Variants in FOXN3 observed in about 807,000 individuals in gnomAD.
FOXN3 encodes the protein forkhead box N3, also known as forkhead box protein N3.
Under a neutral mutation model 38.4 loss-of-function variants are expected in FOXN3, and 7 were observed. The ratio of observed to expected loss-of-function variants is 0.18; its 90% confidence interval spans 0.10 to 0.34. The LOEUF (loss-of-function observed/expected upper bound fraction) is 0.34. FOXN3 is among the 10% of genes least tolerant of loss of function. The probability of loss-of-function intolerance (pLI) is 1.00; values close to 1 mark genes in which losing one functional copy is unlikely to be tolerated. For synonymous variants in FOXN3, 230 were observed against 242.2 expected (o/e 0.95, Z 0.47); for missense variants, 456 against 613.4 (o/e 0.74, Z 2.71).
chr14:89,175,913 G>A (rs1165959702), intron 5 of FOXN3, among the ~76,000 whole-genome samples: 1 of 152,142 alleles, frequency 6.6e-6, no homozygotes, highest in African/African-American at 2.4e-5. Context: ...GTGAATGTAA[G>A]AAACCTGGGA....
At chr14:89,353,405 T>C (rs990711190) in intron 2 of FOXN3, 1 of 151,726 alleles carries the variant, frequency 6.6e-6, no homozygotes, top group African/African-American at 2.4e-5. Flanking sequence ...ACAGCAGCGG[T>C]GGGAAGGGCC....
upstream of FOXN3, chr14:89,419,838 G>A (rs1223365828): frequency 6.6e-6 from 1 of 152,274 alleles, no homozygotes; most frequent in Non-Finnish European, 1.5e-5. Context: ...TTATGGAATA[G>A]TTAAGTATAA....
At chr14:89,600,558 A>C (rs1015408677) in intron 1 of FOXN3, among the ~76,000 whole-genome samples, 3 of 152,242 alleles carry the variant, frequency 2.0e-5, no homozygotes, top group East Asian at 1.9e-4. Flanking sequence ...ACAAAAATAA[A>C]TTAATTTAAA....
chr14:89,537,016 G>A (rs543577429), intron 1 of FOXN3, among the ~76,000 whole-genome samples: 30 of 152,208 alleles, frequency 2.0e-4, no homozygotes, highest in Admixed American at 1.2e-3. Flanking sequence ...GCCACAAAGC[G>A]TCTCCAGAGC....
intron 1 of FOXN3, among the ~76,000 whole-genome samples, chr14:89,574,197 C>T (rs1240402713): frequency 6.6e-5 from 10 of 152,158 alleles, no homozygotes; most frequent in Non-Finnish European, 1.2e-4. Context: ...TCACTCCACT[C>T]CAAAGCAGAC....
intron 1 of FOXN3, among the ~76,000 whole-genome samples, chr14:89,473,446 C>T (rs1357412211): frequency 6.6e-6 from 1 of 151,688 alleles, no homozygotes; most frequent in Non-Finnish European, 1.5e-5. Flanking sequence ...TCACTGCAGC[C>T]TCGAACTTCT....
At chr14:89,363,965 T>TATATATAATATATATATATATATA (rs1890018444) in intron 2 of FOXN3, among the ~76,000 whole-genome samples, 1 of 39,598 alleles carries the variant, frequency 2.5e-5, no homozygotes, top group African/African-American at 9.6e-5. Context: ...TATATATATA[T>TATATATAATATATATATATATATA]ATATATATAT....
chr14:89,501,452 G>C (rs1893798160), intron 1 of FOXN3, among the ~76,000 whole-genome samples: 1 of 152,154 alleles, frequency 6.6e-6, no homozygotes, highest in African/African-American at 2.4e-5. Flanking sequence ...GTATTCCCTA[G>C]TGTGTTTCCC....
chr14:89,558,325 T>A (rs1162995472), intron 1 of FOXN3, among the ~76,000 whole-genome samples: 1 of 152,124 alleles, frequency 6.6e-6, no homozygotes, highest in Non-Finnish European at 1.5e-5. Context: ...AGCCTGGACA[T>A]GATGACCGAA....
chr14:89,368,335 A>G (rs1890217102), intron 2 of FOXN3, among the ~76,000 whole-genome samples: 1 of 144,580 alleles, frequency 6.9e-6, no homozygotes, highest in South Asian at 2.3e-4. Context: ...TGTCTCAAAA[A>G]AAAAAAAAAA....
chr14:89,246,712 G>A (rs570523115), intron 4 of FOXN3, among the ~76,000 whole-genome samples: 1 of 151,702 alleles, frequency 6.6e-6, no homozygotes, highest in Non-Finnish European at 1.5e-5. Context: ...CTAATTTTTT[G>A]TATTTTTTAG....
chr14:89,427,449 G>T (rs1360186961), intron 1 of FOXN3, among the ~76,000 whole-genome samples: 1 of 148,374 alleles, frequency 6.7e-6, no homozygotes, highest in Non-Finnish European at 1.5e-5. Context: ...GGGATTACAG[G>T]CCTCCACCAC....
intron 1 of FOXN3, among the ~76,000 whole-genome samples, chr14:89,482,774 G>A (rs1397628889): frequency 2.1e-5 from 3 of 145,508 alleles, no homozygotes; most frequent in Admixed American, 6.9e-5. Context: ...GCTGGGCATG[G>A]TGGCACGTGT....
At chr14:89,433,892 G>T (rs1596271663) in intron 1 of FOXN3, among the ~76,000 whole-genome samples, 1 of 150,190 alleles carries the variant, frequency 6.7e-6, no homozygotes, top group African/African-American at 2.4e-5. Context: ...CAGGGCAATG[G>T]TCACACACCA....
intron 2 of FOXN3, among the ~76,000 whole-genome samples, chr14:89,390,687 A>G (rs1322066881): frequency 6.6e-6 from 1 of 152,116 alleles, no homozygotes; most frequent in African/African-American, 2.4e-5. Context: ...GGAAGCTCCA[A>G]AGTAATTGAA....
intron 4 of FOXN3, among the ~76,000 whole-genome samples, chr14:89,214,906 A>G (rs141326288): frequency 3.2e-4 from 48 of 152,372 alleles, no homozygotes; most frequent in African/African-American, 9.9e-4. Context: ...CTGACTATAA[A>G]ACTATTACCG....
At chr14:89,383,847 T>C (rs968052354) in intron 2 of FOXN3, among the ~76,000 whole-genome samples, 2 of 151,424 alleles carry the variant, frequency 1.3e-5, no homozygotes, top group Non-Finnish European at 2.9e-5. Flanking sequence ...TGGAGTGCAA[T>C]GGTGCGATCT....
At chr14:89,286,823 C>T (rs1442895106) in intron 3 of FOXN3, among the ~76,000 whole-genome samples, 1 of 152,096 alleles carries the variant, frequency 6.6e-6, no homozygotes, top group African/African-American at 2.4e-5. Flanking sequence ...CAAAATACCA[C>T]TCACCGTTTG....
rs1447379706 is a variant in FOXN3 at position 89,417,054 on chromosome 14, G to GGGTCGCGGC, written c.-207_-199dup. ...GCGGGCGCGGGCGGCAGGGGCGCGG[G>GGGTCGCGGC]GGTCGCGGCGCGGCATGGGACCTGC... is the stretch of plus-strand genomic sequence containing the variant. On this transcript the variant is annotated 5_prime_UTR_variant, in exon 1 of 6. Coordinates refer to ENST00000557258, the MANE Select transcript of FOXN3 (RefSeq NM_005197.4). The GGGTCGCGGC allele has an allele frequency of 2.1e-5, 3 of 144,776 alleles. No individual in the cohort carries two copies. Among genetic ancestry groups the GGGTCGCGGC allele is most frequent in the Non-Finnish European group, 4.6e-5 (3 of 65,236 alleles). 9.0% of individuals were successfully genotyped at this position (144,776 alleles called of 1,614,324 possible).
Sources: gnomAD v4.1 joint callset for allele counts (sites outside exome capture counted in the v4.1 genomes callset) on GRCh38, gnomAD v4.1.1 for gene constraint, MANE v1.5 for transcripts, NCBI Gene and HGNC (gene_info 2026-07-23, HGNC 2026-07-21) for gene names.